ZC3H12B: variants seen among roughly 807,000 people sequenced by gnomAD.
The protein encoded by ZC3H12B is zinc finger CCCH-type containing 12B, also known as probable ribonuclease ZC3H12B.
Under a neutral mutation model 43.9 loss-of-function variants are expected in ZC3H12B, and 7 were observed. The ratio of observed to expected loss-of-function variants is 0.16; its 90% CI spans 0.09 to 0.30. The LOEUF (loss-of-function observed/expected upper bound fraction) is 0.30, where lower values mean the gene tolerates loss of function less well. Ranked by LOEUF, ZC3H12B falls within the 10% of genes least tolerant of loss-of-function variation. The pLI, the probability that ZC3H12B is intolerant of heterozygous loss-of-function variation, is 1.00. For missense variants in ZC3H12B, 475 were observed against 670.2 expected, an observed-to-expected ratio of 0.71 and a Z score of 3.22; for synonymous variants, 222 against 241.7, an observed-to-expected ratio of 0.92 and a Z score of 0.76.
the ZC3H12B span, among the ~76,000 whole-genome samples, chrX:65,095,438 T>C: frequency 9.0e-6 from 1 of 110,838 alleles, no homozygotes; most frequent in Non-Finnish European, 1.9e-5. Context: ...TTGAGGCAAA[T>C]TACTGGCCCC....
the ZC3H12B span, among the ~76,000 whole-genome samples, chrX:65,112,554 A>G: frequency 3.6e-5 from 4 of 111,858 alleles, no homozygotes; most frequent in East Asian, 1.1e-3. Context: ...CTTTAAGTTG[A>G]AGCCAATGCT....
intron 3 of ZC3H12B, among the ~76,000 whole-genome samples, chrX:65,453,525 G>T (rs372292359): frequency 1.7e-4 from 18 of 104,707 alleles, no homozygotes; most frequent in Admixed American, 5.2e-4. Context: ...GTTCAAGATC[G>T]GCCTAGTCAA....
chrX:65,226,133 G>A, the ZC3H12B span, among the ~76,000 whole-genome samples: 28 of 111,594 alleles, frequency 2.5e-4, no homozygotes, highest in Admixed American at 9.5e-5. Context: ...GAGAAAGGTC[G>A]GGTTACCCAC....
At chrX:65,101,958 T>A in the ZC3H12B span, among the ~76,000 whole-genome samples, 1 of 112,363 alleles carries the variant, frequency 8.9e-6, no homozygotes, top group South Asian at 3.6e-4. Flanking sequence ...CCAATATCCC[T>A]GATGAACATC....
intron 3 of ZC3H12B, among the ~76,000 whole-genome samples, chrX:65,437,568 C>A (rs754974458): frequency 1.1e-3 from 124 of 112,014 alleles, no homozygotes; most frequent in African/African-American, 3.7e-3. Context: ...CTATTCAAAT[C>A]TTTTGCCTAA....
chrX:65,231,555 A>G, the ZC3H12B span, among the ~76,000 whole-genome samples: 1 of 111,182 alleles, frequency 9.0e-6, no homozygotes, highest in Non-Finnish European at 1.9e-5. Context: ...GGCTATTCAT[A>G]GAACTACCCC....
At chrX:65,440,135 T>C (rs1485113166) in intron 3 of ZC3H12B, among the ~76,000 whole-genome samples, 1 of 112,160 alleles carries the variant, frequency 8.9e-6, no homozygotes, top group Admixed American at 9.5e-5. Flanking sequence ...TGTTCATCTA[T>C]ATGAAATCGT....
chrX:65,188,761 G>T, the ZC3H12B span, among the ~76,000 whole-genome samples: 1 of 106,688 alleles, frequency 9.4e-6, no homozygotes, highest in Admixed American at 1.0e-4. Context: ...TTCATATGCT[G>T]CAGTGTTGCT....
At chrX:65,198,851 C>G in the ZC3H12B span, among the ~76,000 whole-genome samples, 1 of 111,551 alleles carries the variant, frequency 9.0e-6, no homozygotes, top group South Asian at 3.7e-4. Flanking sequence ...CTTTTTGAGA[C>G]AGTTTCACTC....
the ZC3H12B span, among the ~76,000 whole-genome samples, chrX:65,041,127 T>C: frequency 2.9e-4 from 33 of 112,516 alleles, no homozygotes; most frequent in Non-Finnish European, 5.4e-4. Flanking sequence ...ATCTTGTTTT[T>C]AAATTTGTTC....
the ZC3H12B span, among the ~76,000 whole-genome samples, chrX:65,105,029 A>C: frequency 3.6e-5 from 4 of 112,002 alleles, no homozygotes; most frequent in African/African-American, 1.3e-4. Context: ...GATAGACTGG[A>C]TAAAGAAAAT....
intron 3 of ZC3H12B, among the ~76,000 whole-genome samples, chrX:65,460,686 T>C (rs2148176438): frequency 8.9e-6 from 1 of 111,940 alleles, no homozygotes; most frequent in South Asian, 3.7e-4. Flanking sequence ...ATCCCTTCCT[T>C]ACACCTTATA....
At chrX:65,375,866 A>G (rs2066339430) in intron 2 of ZC3H12B, among the ~76,000 whole-genome samples, 2 of 111,498 alleles carry the variant, frequency 1.8e-5, no homozygotes. Flanking sequence ...GCATATTTTC[A>G]GCTGTGATAG....
chrX:65,360,232 C>T, the ZC3H12B span, among the ~76,000 whole-genome samples: 1 of 112,261 alleles, frequency 8.9e-6, no homozygotes, highest in Non-Finnish European at 1.9e-5. Context: ...TACGTTGTTA[C>T]AATATTTGCT....
chrX:65,358,285 C>T, the ZC3H12B span, among the ~76,000 whole-genome samples: 551 of 110,829 alleles, frequency 5.0e-3, 1 homozygote, highest in Middle Eastern at 9.2e-3. Flanking sequence ...GAGACAGAAA[C>T]TCAACAATGA....
chrX:65,331,690 A>G, the ZC3H12B span, among the ~76,000 whole-genome samples: 1 of 110,711 alleles, frequency 9.0e-6, no homozygotes, highest in Non-Finnish European at 1.9e-5. Flanking sequence ...AACTGAAGAT[A>G]TTTATTATTA....
At chrX:65,256,754 G>C in the ZC3H12B span, among the ~76,000 whole-genome samples, 2 of 111,983 alleles carry the variant, frequency 1.8e-5, no homozygotes, top group Admixed American at 1.9e-4. Context: ...CCAGACGTTG[G>C]TTTGTTGAAA....
At chrX:65,237,559 T>C in the ZC3H12B span, among the ~76,000 whole-genome samples, 1 of 109,840 alleles carries the variant, frequency 9.1e-6, no homozygotes, top group Non-Finnish European at 1.9e-5. Context: ...TTTTTTTTTT[T>C]CTCTTGCCTG....
the ZC3H12B span, among the ~76,000 whole-genome samples, chrX:65,231,808 T>C: frequency 8.9e-6 from 1 of 111,940 alleles, no homozygotes; most frequent in South Asian, 3.7e-4. Context: ...CAAACACCCA[T>C]GTTTTACAAT....
Sources: gnomAD v4.1 joint callset for allele counts (sites outside exome capture counted in the v4.1 genomes callset) on GRCh38, gnomAD v4.1.1 for gene constraint, MANE v1.5 for transcripts, NCBI Gene and HGNC (gene_info 2026-07-23, HGNC 2026-07-21) for gene names.